The following IGF2R variants were observed in gnomAD, a reference collection of about 807,000 sequenced individuals.
IGF2R encodes the protein cation-independent mannose-6-phosphate receptor.
Under a neutral mutation model 270.6 loss-of-function variants are expected in IGF2R, and 91 were observed. The ratio of observed to expected loss-of-function variants is 0.34; its 90% confidence interval spans 0.28 to 0.40. The LOEUF is 0.40. IGF2R is among the 10% of genes least tolerant of loss of function. The pLI is 1.00. For synonymous variants in IGF2R, 1,316 were observed against 1,258.9 expected (o/e 1.05, Z -0.96); for missense variants, 2,805 against 3,188.3 (o/e 0.88, Z 2.90).
intron 2 of IGF2R, among the ~76,000 whole-genome samples, chr6:160,000,728 G>GTTTTTTTTTTTTTGTTTTTTTTTTTTTT (rs1784114576): frequency 1.4e-5 from 1 of 69,948 alleles, no homozygotes; most frequent in Non-Finnish European, 2.5e-5. Context: ...GTGTGAGGTT[G>GTTTTTTTTTTTTTGTTTTTTTTTTTTTT]TTTTTTTTTT....
At chr6:160,012,489 A>C (rs1319612843) in intron 4 of IGF2R, among the ~76,000 whole-genome samples, 1 of 152,102 alleles carries the variant, frequency 6.6e-6, no homozygotes, top group African/African-American at 2.4e-5. Flanking sequence ...CAGAGTATCG[A>C]GCACCTCACG....
intron 30 of IGF2R, among the ~76,000 whole-genome samples, chr6:160,069,501 T>C (rs1778667573): frequency 6.6e-6 from 1 of 152,202 alleles, no homozygotes; most frequent in Non-Finnish European, 1.5e-5. Context: ...GAATTCTTGG[T>C]AGCTTCTTGA....
rs897417015 is a variant in IGF2R, at chr6:160,106,505, C to T, written c.*1421C>T. On this transcript the variant is annotated 3_prime_UTR_variant, in exon 48 of 48. Coordinates refer to ENST00000356956, the MANE Select transcript of IGF2R (RefSeq NM_000876.4). ...TTCATTTTTTTTTCAATCAACTTTACTGTAATATAAAGTATTCAACAATTT... is the reference window on the plus strand; with the variant it reads ...TTCATTTTTTTTTCAATCAACTTTATTGTAATATAAAGTATTCAACAATTT... 6.6e-6 allele frequency: 1 copy of T among 152,224 alleles called. No individual in the cohort carries two copies. The highest frequency in any genetic ancestry group is 2.1e-4 in the South Asian group (1 of 4,814). The allele number at this position is 152,224 out of a possible 1,614,324, so 9.4% of individuals were successfully genotyped here.
chr6:160,085,834 G>C (rs1779086736), intron 41 of IGF2R, among the ~76,000 whole-genome samples: 3 of 152,190 alleles, frequency 2.0e-5, no homozygotes, highest in African/African-American at 7.2e-5. Context: ...ATCACACACA[G>C]ACTCTGCAGG....
intron 39 of IGF2R, among the ~76,000 whole-genome samples, chr6:160,081,448 G>A (rs999211938): frequency 6.6e-6 from 1 of 152,192 alleles, no homozygotes; most frequent in African/African-American, 2.4e-5. Context: ...AAGGCAGAAG[G>A]TCAGGGCAGG....
At chr6:160,081,983 C>T (rs1326215393) in intron 39 of IGF2R, among the ~76,000 whole-genome samples, 2 of 152,188 alleles carry the variant, frequency 1.3e-5, no homozygotes, top group African/African-American at 2.4e-5. Context: ...CATACATCCT[C>T]AGCTTACGAA....
At chr6:160,059,533 AT>A (rs1263198449) in intron 22 of IGF2R, among the ~76,000 whole-genome samples, 2 of 152,142 alleles carry the variant, frequency 1.3e-5, no homozygotes, top group Non-Finnish European at 2.9e-5. Flanking sequence ...CTCGGAACAT[AT>A]CCCCCCGCAG....
At position 160,073,379 on chromosome 6, in the gene IGF2R, G is replaced by A. The variant is rs762075384; in HGVS notation, c.4857G>A (p.Arg1619=). 1.2e-6 allele frequency: 2 copies of A among 1,614,254 alleles called. No individual in the cohort carries two copies. Among genetic ancestry groups the A allele is most frequent in the Non-Finnish European group, 1.7e-6 (2 of 1,180,044 alleles). The change falls in exon 34 of 48, where the codon AGG becomes AGA. Residue 1619 remains arginine (R), a synonymous_variant. Transcript: ENST00000356956. ...VISFVCRPEA[R]PTNRPMLISL... The stretch of plus-strand genomic sequence containing the variant: ...GTTTCGTGTGCAGGCCTGAGGCCAG[G>A]CCAACCAATAGGCCCATGCTCATCT...
At chr6:160,075,823 T>C (rs1778844176) in intron 35 of IGF2R, 24 bp from the exon 36 acceptor site, 1 of 1,608,564 alleles carries the variant, frequency 6.2e-7, no homozygotes, top group Non-Finnish European at 8.5e-7. Context: ...CCTGAAATAC[T>C]GTTTGCCCTC....
intron 4 of IGF2R, among the ~76,000 whole-genome samples, chr6:160,011,561 T>C (rs1784335584): frequency 6.6e-6 from 1 of 151,702 alleles, no homozygotes; most frequent in Non-Finnish European, 1.5e-5. Flanking sequence ...GTTTTTTTTT[T>C]TTTTTTTGTG....
chr6:160,022,440 A>G (rs117670725), intron 4 of IGF2R, among the ~76,000 whole-genome samples: 189 of 152,308 alleles, frequency 1.2e-3, no homozygotes, highest in Admixed American at 3.0e-3. Flanking sequence ...GGTCTTGCCA[A>G]CTCTAACAGT....
intron 44 of IGF2R, among the ~76,000 whole-genome samples, chr6:160,091,929 G>C (rs1160588924): frequency 6.6e-6 from 1 of 152,214 alleles, no homozygotes; most frequent in Non-Finnish European, 1.5e-5. Context: ...TCAGCCATCA[G>C]GTTATTCACT....
At chr6:160,011,093 G>T (rs1473730950) in intron 4 of IGF2R, among the ~76,000 whole-genome samples, 1 of 152,132 alleles carries the variant, frequency 6.6e-6, no homozygotes, top group Non-Finnish European at 1.5e-5. Flanking sequence ...GACGTGTTTG[G>T]GCTTGGGCTT....
Position 160,105,936 on chromosome 6 carries a change from T to C in IGF2R, c.*852T>C. ...GTGTGTGTGTGTGTGTGTGTGTGTG[T>C]GTGAGTGGAGTTGAGGTGTCAGAGA... On this transcript the variant is annotated 3_prime_UTR_variant, in exon 48 of 48. Coordinates refer to ENST00000356956, the MANE Select transcript of IGF2R (RefSeq NM_000876.4). 6.6e-6 allele frequency: 1 copy of C among 152,066 alleles called. No homozygotes were observed. The highest frequency in any genetic ancestry group is 1.5e-5 in the Non-Finnish European group (1 of 67,956). 9.4% of individuals were successfully genotyped at this position (152,066 alleles called of 1,614,324 possible).
Position 160,078,518 on chromosome 6 carries a change from G to T in IGF2R, c.5478+156G>T, listed in dbSNP as rs530547345. Among the ~76,000 whole-genome samples, 3 of 152,348 alleles carry T rather than the reference G, an allele frequency of 2.0e-5. No individual in the cohort carries two copies. The South Asian group carries it at 6.2e-4, about 32-fold the overall frequency. ...TTGGTGCTCTCGTAGGGCATGCCAG[G>T]TCTCAGGAAGGTTCTTGGATTGCGT... On this transcript the variant is annotated intron_variant, in intron 37 of 47. Coordinates refer to ENST00000356956, the MANE Select transcript of IGF2R (RefSeq NM_000876.4).
At chr6:160,104,586 G>A in intron 47 of IGF2R, 88 bp from the exon 48 acceptor site, 3 of 1,392,992 alleles carry the variant, frequency 2.2e-6, no homozygotes, top group Admixed American at 2.1e-5. Context: ...GCTCGTGCCA[G>A]CAGAGAGCAT....
intron 35 of IGF2R, among the ~76,000 whole-genome samples, chr6:160,075,134 G>A (rs2115277499): frequency 6.7e-6 from 1 of 149,404 alleles, no homozygotes; most frequent in East Asian, 1.9e-4. Context: ...ACACGTGCAT[G>A]CACACACACA....
At chr6:160,055,885 T>C (rs1447115350) in intron 19 of IGF2R, among the ~76,000 whole-genome samples, 1 of 152,088 alleles carries the variant, frequency 6.6e-6, no homozygotes, top group Non-Finnish European at 1.5e-5. Flanking sequence ...TATGGAAACA[T>C]ACACACCGAA....
At chr6:160,080,057 C>A in intron 38 of IGF2R, 72 bp from the exon 39 acceptor site, 1 of 1,550,504 alleles carries the variant, frequency 6.4e-7, no homozygotes, top group South Asian at 1.2e-5. Flanking sequence ...TTAGGGACTG[C>A]TGCTGCATTC....
Sources: allele counts gnomAD v4.1 joint callset (sites outside exome capture counted in the v4.1 genomes callset), GRCh38; gene constraint gnomAD v4.1.1; transcripts MANE v1.5; gene names NCBI Gene and HGNC (gene_info 2026-07-23, HGNC 2026-07-21).